Variants in SFMBT1 observed in about 807,000 individuals in gnomAD.
The protein encoded by SFMBT1 is scm-like with four MBT domains protein 1.
SFMBT1 carries 32 observed loss-of-function variants against 108.7 expected under a neutral mutation model. The observed-to-expected ratio is 0.29, with a 90% confidence interval of 0.22 to 0.40. The LOEUF (loss-of-function observed/expected upper bound fraction) is 0.40. Ranked by LOEUF, SFMBT1 falls within the 10% of genes least tolerant of loss-of-function variation. The pLI, the probability that SFMBT1 is intolerant of heterozygous loss-of-function variation, is 1.00. For missense variants in SFMBT1, 816 were observed against 1,059.6 expected (o/e 0.77, Z 3.19); for synonymous variants, 348 against 369.5 (o/e 0.94, Z 0.67).
intron 1 of SFMBT1, among the ~76,000 whole-genome samples, chr3:53,042,804 A>T (rs1233285580): frequency 1.3e-5 from 2 of 152,194 alleles, no homozygotes; most frequent in African/African-American, 4.8e-5. Context: ...AAAAGTCAAG[A>T]AATTTAAAAA....
intron 3 of SFMBT1, among the ~76,000 whole-genome samples, chr3:52,947,583 T>C (rs1346042314): frequency 6.6e-6 from 1 of 152,182 alleles, no homozygotes; most frequent in Non-Finnish European, 1.5e-5. Flanking sequence ...ATTCAGTCTA[T>C]ATTGTGGGCA....
rs1698537229 is a variant in SFMBT1 at position 53,001,235 on chromosome 3, G to A, written c.-130-31977C>T. 1.3e-5 allele frequency among the ~76,000 whole-genome samples: 2 copies of A among 150,178 alleles called. 1 individual carries two copies. The highest frequency in any genetic ancestry group is 3.0e-5 in the Non-Finnish European group (2 of 67,064). ...ATAAATATTAAAGTTCTTTCAGCCT[G>A]GGCAACATAGTGAGACCCTGTCTCT... On this transcript the variant is annotated intron_variant, in intron 1 of 20. Coordinates refer to ENST00000394752, the MANE Select transcript of SFMBT1 (RefSeq NM_016329.4).
At position 52,907,270 on chromosome 3, in the gene SFMBT1, A is replaced by G; in HGVS notation, c.2130T>C (p.Asp710=). 1 of 1,614,030 alleles carries G rather than the reference A, an allele frequency of 6.2e-7. No individual in the cohort carries two copies. The highest frequency in any genetic ancestry group is 8.5e-7 in the Non-Finnish European group (1 of 1,180,034). Residue 710 remains aspartate, a synonymous_variant, in exon 19 of 21, where the codon GAT becomes GAC. Transcript: ENST00000394752. The stretch of plus-strand genomic sequence containing the variant: ...ATGTACTGCCTTCACTTAGGGAATC[A>G]TCATCCCCTTCATCTGGGTCATCCT... ...EDEDDPDEGD[D]DSLSEGSTSE...
At chr3:53,023,271 C>T (rs1015479776) in intron 1 of SFMBT1, among the ~76,000 whole-genome samples, 3 of 152,192 alleles carry the variant, frequency 2.0e-5, no homozygotes, top group Non-Finnish European at 4.4e-5. Flanking sequence ...GAAATGAACA[C>T]TTAATCACAC....
chr3:53,036,026 A>T (rs948900149), intron 1 of SFMBT1, among the ~76,000 whole-genome samples: 1 of 152,194 alleles, frequency 6.6e-6, no homozygotes, highest in Non-Finnish European at 1.5e-5. Context: ...CATCACTGGC[A>T]CTAGTTTTAC....
In SFMBT1 at chr3:52,934,782, C is replaced by T. The variant is rs543671189; in HGVS notation, c.453+31G>A. On this transcript the variant is annotated intron_variant, in intron 5 of 20. Coordinates refer to ENST00000394752, the MANE Select transcript of SFMBT1 (RefSeq NM_016329.4). ...TTCTTTGAAAGATCAGATGGGTTTT[C>T]CATGCTGATGTGGCATGTAGTAATA... 1.9e-6 allele frequency: 3 copies of T among 1,562,190 alleles called. No homozygotes were observed. The African/African-American group carries it at 4.1e-5, about 21-fold the overall frequency.
At chr3:52,909,206 T>C (rs1189956890) in intron 17 of SFMBT1, among the ~76,000 whole-genome samples, 1 of 152,358 alleles carries the variant, frequency 6.6e-6, no homozygotes, top group Middle Eastern at 3.4e-3. Context: ...ACTATATTAT[T>C]GTGAAAGATA....
intron 1 of SFMBT1, among the ~76,000 whole-genome samples, chr3:53,001,505 T>C (rs1698545864): frequency 6.7e-6 from 1 of 150,098 alleles, no homozygotes; most frequent in East Asian, 1.9e-4. Flanking sequence ...AGTTTTGCTT[T>C]CAAGCATCTT....
chr3:53,004,837 C>G (rs532182493), intron 1 of SFMBT1, among the ~76,000 whole-genome samples: 1 of 132,450 alleles, frequency 7.6e-6, no homozygotes, highest in South Asian at 2.3e-4. Flanking sequence ...TCCCTGGAAC[C>G]GGAAAGAATG....
At chr3:52,956,227 C>T (rs1207989238) in intron 2 of SFMBT1, among the ~76,000 whole-genome samples, 4 of 152,108 alleles carry the variant, frequency 2.6e-5, no homozygotes, top group East Asian at 3.9e-4. Context: ...TGTGGGAGAC[C>T]GCGGCAGGCA....
intron 2 of SFMBT1, among the ~76,000 whole-genome samples, chr3:52,964,044 G>C (rs914319410): frequency 6.6e-6 from 1 of 152,050 alleles, no homozygotes; most frequent in Admixed American, 6.6e-5. Flanking sequence ...TTGAGATAGA[G>C]TTTCCCTATA....
At chr3:53,001,673 C>A (rs1158275766) in intron 1 of SFMBT1, among the ~76,000 whole-genome samples, 2 of 147,774 alleles carry the variant, frequency 1.4e-5, no homozygotes, top group African/African-American at 4.9e-5. Flanking sequence ...GAAGGCCAAA[C>A]AAAGCAGGAG....
At chr3:52,942,988 G>GT (rs1002450154) in intron 4 of SFMBT1, among the ~76,000 whole-genome samples, 2 of 152,140 alleles carry the variant, frequency 1.3e-5, no homozygotes, top group Non-Finnish European at 2.9e-5. Flanking sequence ...TTGCTTGAGG[G>GT]TATGAGGAGA....
intron 1 of SFMBT1, among the ~76,000 whole-genome samples, chr3:53,019,796 A>G (rs1432894820): frequency 6.6e-6 from 1 of 152,198 alleles, no homozygotes; most frequent in Non-Finnish European, 1.5e-5. Flanking sequence ...TAAAACACAA[A>G]GCAAATCATG....
At position 53,024,438 on chromosome 3, in the gene SFMBT1, C is replaced by T. The variant is rs181637069; in HGVS notation, c.-131+21378G>A. ...CTATGTGGAACAGAACAGGCAATGG[C>T]GAGGATATCTGAGAGATGGGGAGGG... On this transcript the variant is annotated intron_variant, in intron 1 of 20. Transcript: ENST00000394752. Among the ~76,000 whole-genome samples, 23 of 152,216 alleles carry T rather than the reference C, an allele frequency of 1.5e-4. No homozygotes were observed. The East Asian group carries it at 3.9e-3, about 26-fold the overall frequency.
intron 17 of SFMBT1, among the ~76,000 whole-genome samples, chr3:52,908,143 G>T (rs962353413): frequency 6.8e-6 from 1 of 147,700 alleles, no homozygotes; most frequent in Non-Finnish European, 1.5e-5. Context: ...GCACGATCTC[G>T]GCTCACTGCA....
At chr3:52,997,451 G>T (rs955969370) in intron 1 of SFMBT1, among the ~76,000 whole-genome samples, 48 of 149,096 alleles carry the variant, frequency 3.2e-4, no homozygotes, top group African/African-American at 1.2e-3. Flanking sequence ...CAGGAGAATG[G>T]CGTGAACCCA....
At chr3:53,017,682 A>G (rs1375343727) in intron 1 of SFMBT1, among the ~76,000 whole-genome samples, 1 of 152,222 alleles carries the variant, frequency 6.6e-6, no homozygotes, top group East Asian at 1.9e-4. Flanking sequence ...ACCCCACGAA[A>G]TAAAGCATCC....
chr3:53,032,617 A>G (rs1699725557), intron 1 of SFMBT1, among the ~76,000 whole-genome samples: 1 of 152,258 alleles, frequency 6.6e-6, no homozygotes, highest in Non-Finnish European at 1.5e-5. Context: ...ATTTTCAAAT[A>G]GGAATAACAT....
Sources: allele counts gnomAD v4.1 joint callset (sites outside exome capture counted in the v4.1 genomes callset), GRCh38; gene constraint gnomAD v4.1.1; transcripts MANE v1.5; gene names NCBI Gene and HGNC (gene_info 2026-07-23, HGNC 2026-07-21).